The following CLEC10A variants were observed in gnomAD, a reference collection of about 807,000 sequenced individuals.
The protein encoded by CLEC10A is C-type lectin domain family 10 member A.
A neutral mutation model predicts 42.0 loss-of-function variants in CLEC10A; 38 were observed. The observed-to-expected ratio is 0.90, with a 90% CI of 0.70 to 1.18. The LOEUF is 1.18. CLEC10A is among the 50% of genes most tolerant of loss of function. The pLI is 0.00. For synonymous variants in CLEC10A, 126 were observed against 139.9 expected, an observed-to-expected ratio of 0.90 and a Z score of 0.70; for missense variants, 298 against 345.9, an observed-to-expected ratio of 0.86 and a Z score of 1.10.
intron 3 of CLEC10A, 54 bp downstream of exon 3, chr17:7,077,942 AT>A: frequency 7.3e-7 from 1 of 1,366,558 alleles, no homozygotes; most frequent in South Asian, 1.2e-5. Context: ...GCACCCCATT[AT>A]TTATCTTCTA....
chr17:7,076,225 A>G, intron 5 of CLEC10A, 154 bp from the exon 6 acceptor site: 1 of 1,401,706 alleles, frequency 7.1e-7, no homozygotes, highest in Non-Finnish European at 9.5e-7. Flanking sequence ...AGGTACAGCC[A>G]TCAAATCTGC....
chr17:7,078,828 G>C lies in CLEC10A; in HGVS notation c.-16C>G. The C allele has an allele frequency of 1.2e-6, 2 of 1,613,790 alleles. No homozygotes were observed. The highest frequency in any genetic ancestry group is 2.2e-5 in the South Asian group (2 of 91,068). On this transcript the variant is annotated 5_prime_UTR_variant, in exon 2 of 9. Transcript: ENST00000416562. The stretch of plus-strand genomic sequence containing the variant: ...TCCTTGTCATGCTTGGGCCAACACG[G>C]CTCTGAGGTTGTCACAGCTGAAATG...
chr17:7,078,857 G>A lies in CLEC10A; in HGVS notation c.-45C>T. On this transcript the variant is annotated 5_prime_UTR_variant, in exon 2 of 9. Transcript: ENST00000416562. ...TGAGGTTGTCACAGCTGAAATGGAG[G>A]CAGGGCCGGCGCCCAGTCTGGGGTG... 1 of 1,595,038 alleles carries A rather than the reference G, an allele frequency of 6.3e-7. No individual in the cohort carries two copies. The highest frequency in any genetic ancestry group is 1.1e-5 in the South Asian group (1 of 90,716).
chr17:7,078,877 G>T lies in CLEC10A; in HGVS notation c.-65C>A, dbSNP rs1244767002. On this transcript the variant is annotated 5_prime_UTR_variant, in exon 2 of 9. Coordinates refer to ENST00000416562, the MANE Select transcript of CLEC10A (RefSeq NM_001330070.2). ...TGGAGGCAGGGCCGGCGCCCAGTCT[G>T]GGGTGGAGCTGGGGAATAGGAGGTT... 2 of 1,504,480 alleles carry T rather than the reference G, an allele frequency of 1.3e-6. No homozygotes were observed. The highest frequency in any genetic ancestry group is 1.7e-4 in the Middle Eastern group (1 of 5,904). 93.2% of individuals were successfully genotyped at this position (1,504,480 alleles called of 1,614,324 possible).
intron 5 of CLEC10A, 141 bp from the exon 6 acceptor site, chr17:7,076,212 G>A: frequency 6.7e-7 from 1 of 1,499,334 alleles, no homozygotes; most frequent in Non-Finnish European, 9.0e-7. Context: ...CTACATCATG[G>A]CCAGGTACAG....
intron 3 of CLEC10A, among the ~76,000 whole-genome samples, chr17:7,077,309 T>A (rs1371349915): frequency 1.0e-5 from 1 of 98,008 alleles, no homozygotes; most frequent in Non-Finnish European, 2.0e-5. Flanking sequence ...AATCACTCCA[T>A]CAGTGCCCCC....
At chr17:7,076,307 CTTTTT>C (rs1206807036) in intron 5 of CLEC10A, among the ~76,000 whole-genome samples, 13 of 121,130 alleles carry the variant, frequency 1.1e-4, no homozygotes, top group African/African-American at 2.5e-4. Flanking sequence ...TTCTTTCTTT[CTTTTT>C]TTTTTTTTTT....
chr17:7,079,618 T>TG (rs1201465366), intron 1 of CLEC10A, among the ~76,000 whole-genome samples: 2 of 152,060 alleles, frequency 1.3e-5, no homozygotes, highest in African/African-American at 4.8e-5. Flanking sequence ...GGGTTAGTAT[T>TG]GGGATTAGGG....
At position 7,078,042 on chromosome 17, in the gene CLEC10A, G is replaced by C; in HGVS notation, c.139C>G (p.Leu47Val). 6.2e-7 allele frequency: 1 copy of C among 1,614,002 alleles called. No individual in the cohort carries two copies. The highest frequency in any genetic ancestry group is 8.5e-7 in the Non-Finnish European group (1 of 1,179,904). ...ATGATGACCAGCAGCAGGAGGCCGA[G>C]GCCCAGGGACAGCAGGAGATGGCAG... Reference protein sequence around the residue: ...GPCHLLLSLGLGLLLLVIICV... With the variant: ...GPCHLLLSLGVGLLLLVIICV... Residue 47 changes from leucine to valine, a missense_variant, in exon 3 of 9, where the codon CTC (leucine) becomes GTC (valine). Transcript: ENST00000416562.
intron 4 of CLEC10A, 38 bp from the exon 5 acceptor site, chr17:7,076,842 C>T (rs759675746): frequency 6.2e-7 from 1 of 1,613,906 alleles, no homozygotes; most frequent in East Asian, 2.2e-5. Context: ...GGTCAACTTC[C>T]TCCTCCCTGG....
chr17:7,075,953 G>A, intron 6 of CLEC10A, 32 bp downstream of exon 6: 1 of 1,613,318 alleles, frequency 6.2e-7, no homozygotes, highest in Non-Finnish European at 8.5e-7. Context: ...GGGCAGAAAA[G>A]TAGGGCCAGG....
At chr17:7,075,647 A>C in intron 7 of CLEC10A, 84 bp downstream of exon 7, 1 of 1,594,882 alleles carries the variant, frequency 6.3e-7, no homozygotes, top group Non-Finnish European at 8.6e-7. Flanking sequence ...GGAAGCTCCC[A>C]GATGATTCCA....
intron 3 of CLEC10A, among the ~76,000 whole-genome samples, chr17:7,077,318 C>T (rs1911832941): frequency 6.2e-5 from 8 of 128,786 alleles, no homozygotes; most frequent in South Asian, 3.1e-4. Flanking sequence ...ATCAGTGCCC[C>T]CATCACCATT....
At chr17:7,077,764 T>TCCATCAGTGCC (rs925332491) in intron 3 of CLEC10A, among the ~76,000 whole-genome samples, 2 of 150,466 alleles carry the variant, frequency 1.3e-5, no homozygotes, top group African/African-American at 4.9e-5. Context: ...CATCAATCAC[T>TCCATCAGTGCC]CCATCAGTGC....
At chr17:7,078,930 C>G in intron 1 of CLEC10A, 45 bp from the exon 2 acceptor site, 1 of 892,236 alleles carries the variant, frequency 1.1e-6, no homozygotes, top group East Asian at 2.4e-5. Flanking sequence ...AAGGGCAGGG[C>G]TGACGTTGAG....
At chr17:7,079,904 C>T (rs1004176841) in intron 1 of CLEC10A, 148 bp downstream of exon 1, 1 of 151,894 alleles carries the variant, frequency 6.6e-6, no homozygotes. Context: ...GGAACAGAGT[C>T]TCAAATCTCC....
chr17:7,076,656 A>T (rs991839706), intron 5 of CLEC10A, 77 bp downstream of exon 5: 2 of 1,505,702 alleles, frequency 1.3e-6, no homozygotes, highest in Middle Eastern at 4.0e-4. Context: ...AGGGCAGTTC[A>T]GCACCAGGAG....
chr17:7,077,874 G>A, intron 3 of CLEC10A, 123 bp downstream of exon 3: 3 of 742,248 alleles, frequency 4.0e-6, no homozygotes, highest in Non-Finnish European at 7.1e-6. Flanking sequence ...CCCCAACACT[G>A]TGCCCTGCAT....
rs149638778 is a variant in CLEC10A, at chr17:7,076,645, G to C, written c.352+88C>G. The C allele has an allele frequency of 2.2e-3, 3,161 of 1,412,520 alleles. 6 individuals carry two copies. The highest frequency in any genetic ancestry group is 2.8e-3 in the Non-Finnish European group (2,821 of 997,944). 87.5% of individuals were successfully genotyped at this position (1,412,520 alleles called of 1,614,324 possible). A position where few individuals can be genotyped will look rare whatever the true frequency, so the allele number is the denominator to read the frequency against. On this transcript the variant is annotated intron_variant, in intron 5 of 8. Coordinates refer to ENST00000416562, the MANE Select transcript of CLEC10A (RefSeq NM_001330070.2). ...GCCTTTCAAGCTGCTGGCTGAAGGG[G>C]AGGGCAGTTCAGCACCAGGAGTCTG...
Sources: allele counts gnomAD v4.1 joint callset (sites outside exome capture counted in the v4.1 genomes callset), GRCh38; gene constraint gnomAD v4.1.1; transcripts MANE v1.5; gene names NCBI Gene and HGNC (gene_info 2026-07-23, HGNC 2026-07-21).